The following NRXN3 variants were observed in gnomAD, a reference collection of about 807,000 sequenced individuals.
NRXN3 encodes the protein neurexin III.
Under a neutral mutation model 137.6 loss-of-function variants are expected in NRXN3, and 32 were observed. That is an observed-to-expected ratio of 0.23 (90% CI 0.18 to 0.31). NRXN3 has a LOEUF of 0.31. NRXN3 is among the 10% of genes least tolerant of loss of function. NRXN3 has a pLI of 1.00. For synonymous variants in NRXN3, 798 were observed against 784.5 expected (o/e 1.02, Z -0.29); for missense variants, 1,574 against 2,062.5 (o/e 0.76, Z 4.59).
At chr14:78,689,485 T>G (rs2098151289) in intron 6 of NRXN3, among the ~76,000 whole-genome samples, 1 of 152,148 alleles carries the variant, frequency 6.6e-6, no homozygotes, top group African/African-American at 2.4e-5. Context: ...TAAGTCCTTT[T>G]CAGTTAAATT....
At chr14:79,723,841 C>T (rs544849987) in intron 19 of NRXN3, among the ~76,000 whole-genome samples, 177 of 152,212 alleles carry the variant, frequency 1.2e-3, no homozygotes, top group Admixed American at 2.2e-3. Flanking sequence ...GCAGCTAGAA[C>T]GGCAATCAGT....
At chr14:79,717,271 A>G (rs555691719) in intron 19 of NRXN3, among the ~76,000 whole-genome samples, 3 of 152,334 alleles carry the variant, frequency 2.0e-5, no homozygotes, top group African/African-American at 7.2e-5. Flanking sequence ...TTTGACTTCC[A>G]TGCTGACTCC....
rs1383682322 is a variant in NRXN3, at chr14:79,605,573, C to T, written c.3445-58205C>T. On this transcript the variant is annotated intron_variant, in intron 16 of 20. Transcript: ENST00000335750. The stretch of plus-strand genomic sequence containing the variant: ...CATGATGTCAGCTCACTGCAACCTC[C>T]GCCTCCCAGGTTCAAGCAATTCTCC... Among the ~76,000 whole-genome samples the T allele has an allele frequency of 8.5e-5, 13 of 152,120 alleles. No homozygotes were observed. The East Asian group carries it at 1.2e-3, about 14-fold the overall frequency.
chr14:78,624,046 A>G (rs534467741), intron 4 of NRXN3, among the ~76,000 whole-genome samples: 1 of 152,340 alleles, frequency 6.6e-6, no homozygotes, highest in South Asian at 2.1e-4. Flanking sequence ...TGATGACTTG[A>G]TTAGCGTGCC....
intron 15 of NRXN3, among the ~76,000 whole-genome samples, chr14:79,165,466 G>T (rs1399972602): frequency 1.3e-5 from 2 of 151,886 alleles, no homozygotes; most frequent in East Asian, 3.9e-4. Context: ...TAAAGAAAAG[G>T]TTCCACTCTC....
At chr14:79,816,569 A>G (rs1217639320) in intron 20 of NRXN3, among the ~76,000 whole-genome samples, 1 of 152,188 alleles carries the variant, frequency 6.6e-6, no homozygotes, top group Non-Finnish European at 1.5e-5. Context: ...ACTAACATTG[A>G]CAATGAACAG....
At chr14:78,548,929 C>G (rs915834688) in intron 4 of NRXN3, among the ~76,000 whole-genome samples, 2 of 152,204 alleles carry the variant, frequency 1.3e-5, no homozygotes, top group East Asian at 1.9e-4. Flanking sequence ...ACTGAAGGAC[C>G]TGTTCTCTTC....
intron 15 of NRXN3, among the ~76,000 whole-genome samples, chr14:79,211,615 A>G (rs1009543990): frequency 6.6e-6 from 1 of 152,152 alleles, no homozygotes; most frequent in African/African-American, 2.4e-5. Context: ...TCAGATGTGA[A>G]TCCAGTTCTA....
At chr14:78,663,552 A>G (rs1222034176) in intron 6 of NRXN3, among the ~76,000 whole-genome samples, 1 of 152,194 alleles carries the variant, frequency 6.6e-6, no homozygotes, top group African/African-American at 2.4e-5. Context: ...GATGGGCAGC[A>G]CATTGTTTCT....
At chr14:78,955,968 G>T (rs1212503286) in intron 10 of NRXN3, among the ~76,000 whole-genome samples, 5 of 152,134 alleles carry the variant, frequency 3.3e-5, no homozygotes, top group Non-Finnish European at 7.4e-5. Context: ...CATAGAAACA[G>T]ACTTATATAG....
intron 19 of NRXN3, among the ~76,000 whole-genome samples, chr14:79,790,908 C>T (rs1487010915): frequency 6.6e-6 from 1 of 152,070 alleles, no homozygotes; most frequent in Non-Finnish European, 1.5e-5. Context: ...CTTGACCTCC[C>T]AAAGTGCTGG....
chr14:78,206,218 A>G (rs768441457), intron 1 of NRXN3, among the ~76,000 whole-genome samples: 2 of 152,206 alleles, frequency 1.3e-5, no homozygotes, highest in Non-Finnish European at 2.9e-5. Flanking sequence ...CTCTATGTAC[A>G]ATGAGACTTG....
intron 15 of NRXN3, among the ~76,000 whole-genome samples, chr14:79,403,509 T>A (rs555262097): frequency 1.3e-5 from 2 of 152,284 alleles, no homozygotes; most frequent in Non-Finnish European, 2.9e-5. Context: ...ATGATTTGCT[T>A]TTTCTGCTTC....
At chr14:79,752,753 G>A (rs1253220017) in intron 19 of NRXN3, among the ~76,000 whole-genome samples, 16 of 151,656 alleles carry the variant, frequency 1.1e-4, no homozygotes, top group African/African-American at 3.4e-4. Context: ...CTGCACAGCA[G>A]AAGAAACTAC....
At chr14:78,995,532 A>G (rs1312759131) in intron 15 of NRXN3, among the ~76,000 whole-genome samples, 2 of 152,224 alleles carry the variant, frequency 1.3e-5, no homozygotes, top group Non-Finnish European at 2.9e-5. Context: ...TGTAGGTCCT[A>G]TCTTGTAAGA....
At chr14:79,361,797 A>G (rs927889209) in intron 15 of NRXN3, among the ~76,000 whole-genome samples, 2 of 152,124 alleles carry the variant, frequency 1.3e-5, no homozygotes, top group African/African-American at 4.8e-5. Flanking sequence ...ATGACCAGAT[A>G]TAAGGGAACA....
chr14:79,576,188 C>T (rs1211934224), intron 16 of NRXN3, among the ~76,000 whole-genome samples: 1 of 152,058 alleles, frequency 6.6e-6, no homozygotes, highest in East Asian at 1.9e-4. Context: ...CCCAGAAGCC[C>T]CAAGGATGTT....
intron 15 of NRXN3, among the ~76,000 whole-genome samples, chr14:79,222,773 A>G (rs2070033507): frequency 6.6e-6 from 1 of 152,132 alleles, no homozygotes; most frequent in African/African-American, 2.4e-5. Flanking sequence ...TTCCCCAGTG[A>G]CAAATGATAC....
chr14:79,293,345 C>G (rs1456874328), intron 15 of NRXN3, among the ~76,000 whole-genome samples: 2 of 152,186 alleles, frequency 1.3e-5, no homozygotes, highest in African/African-American at 4.8e-5. Flanking sequence ...GACTCAAAAT[C>G]TGCTTTGCAT....
Sources: allele counts gnomAD v4.1 joint callset (sites outside exome capture counted in the v4.1 genomes callset), GRCh38; gene constraint gnomAD v4.1.1; transcripts MANE v1.5; gene names NCBI Gene and HGNC (gene_info 2026-07-23, HGNC 2026-07-21).